TTC28: variants seen among roughly 807,000 people sequenced by gnomAD.
TTC28 encodes tetratricopeptide repeat protein 28.
TTC28 carries 61 observed loss-of-function variants against 198.0 expected under a neutral mutation model. The observed-to-expected ratio is 0.31, with a 90% CI of 0.25 to 0.38. The LOEUF (loss-of-function observed/expected upper bound fraction) is 0.38. TTC28 is among the 10% of genes least tolerant of loss of function. TTC28 has a pLI of 1.00. For synonymous variants in TTC28, 1,171 were observed against 1,297.8 expected, an observed-to-expected ratio of 0.90 and a Z score of 2.10; for missense variants, 2,678 against 3,164.0, an observed-to-expected ratio of 0.85 and a Z score of 3.69.
At chr22:28,251,742 T>G (rs993613788) in intron 5 of TTC28, among the ~76,000 whole-genome samples, 1 of 152,122 alleles carries the variant, frequency 6.6e-6, no homozygotes, top group African/African-American at 2.4e-5. Flanking sequence ...CATGAGAAAA[T>G]GTATGTTTTG....
At position 28,215,016 on chromosome 22, in the gene TTC28, G is replaced by A. The variant is rs563531266; in HGVS notation, c.934-51417C>T. Among the ~76,000 whole-genome samples the A allele has an allele frequency of 6.6e-5, 10 of 152,246 alleles. No homozygotes were observed. In the South Asian group the frequency reaches 2.1e-3, roughly 32 times the overall value. On this transcript the variant is annotated intron_variant, in intron 5 of 22. Coordinates refer to ENST00000397906, the MANE Select transcript of TTC28 (RefSeq NM_001145418.2). ...ATGAAGCTGGAAGCCGTCATTCTAA[G>A]CAAACTAAAGCAAGGACAGAAAACC... is the stretch of plus-strand genomic sequence containing the variant.
intron 17 of TTC28, 27 bp downstream of exon 17, chr22:27,996,108 T>TC: frequency 1.3e-6 from 2 of 1,538,862 alleles, no homozygotes; most frequent in Non-Finnish European, 1.7e-6. Context: ...CAGCTCTCGT[T>TC]GAGTGCAGGG....
chr22:28,275,148 AGG>A (rs1932340058), intron 5 of TTC28, among the ~76,000 whole-genome samples: 1 of 152,226 alleles, frequency 6.6e-6, no homozygotes, highest in African/African-American at 2.4e-5. Context: ...ACTTTAAAAC[AGG>A]ACAGACTATT....
At chr22:28,329,920 T>C (rs2045589257) in intron 2 of TTC28, among the ~76,000 whole-genome samples, 1 of 152,158 alleles carries the variant, frequency 6.6e-6, no homozygotes, top group Admixed American at 6.5e-5. Flanking sequence ...TCCTGACAAT[T>C]TGCACTTATT....
At chr22:28,555,568 T>A (rs752803951) in intron 2 of TTC28, among the ~76,000 whole-genome samples, 2 of 152,214 alleles carry the variant, frequency 1.3e-5, no homozygotes, top group Admixed American at 6.5e-5. Flanking sequence ...TTGGAGACTA[T>A]TATTCTAGGT....
At chr22:28,457,892 A>AT (rs2047887804) in intron 2 of TTC28, among the ~76,000 whole-genome samples, 1 of 152,190 alleles carries the variant, frequency 6.6e-6, no homozygotes, top group Non-Finnish European at 1.5e-5. Context: ...GGCAGAATAT[A>AT]TGTCCATTTA....
At chr22:28,443,287 G>C (rs538391777) in intron 2 of TTC28, among the ~76,000 whole-genome samples, 3 of 152,226 alleles carry the variant, frequency 2.0e-5, no homozygotes, top group Admixed American at 2.0e-4. Flanking sequence ...ATCCCAGCCG[G>C]GCTTCTACCA....
intron 2 of TTC28, among the ~76,000 whole-genome samples, chr22:28,322,564 C>A (rs146703385): frequency 6.6e-5 from 10 of 152,166 alleles, no homozygotes; most frequent in Admixed American, 3.9e-4. Flanking sequence ...AGAAGATGAG[C>A]CACCTCAAAA....
chr22:28,628,319 T>C lies in TTC28; in HGVS notation c.381+1233A>G, dbSNP rs76808319. ...ATAGAAAATATCTCAAATACTTCAA[T>C]CACATCTCTTTTTATTGTATGTATT... is the stretch of plus-strand genomic sequence containing the variant. On this transcript the variant is annotated intron_variant, in intron 2 of 22. Coordinates refer to ENST00000397906, the MANE Select transcript of TTC28 (RefSeq NM_001145418.2). Among the ~76,000 whole-genome samples, 7 of 152,324 alleles carry C rather than the reference T, an allele frequency of 4.6e-5. No homozygotes were observed. In the East Asian group the frequency reaches 1.3e-3, roughly 29 times the overall value.
At chr22:28,099,854 G>A (rs1419364575) in intron 9 of TTC28, among the ~76,000 whole-genome samples, 3 of 152,152 alleles carry the variant, frequency 2.0e-5, no homozygotes, top group Non-Finnish European at 4.4e-5. Context: ...GGAAGAGAGC[G>A]CCACACTCTC....
chr22:28,545,075 G>A (rs1429886864), intron 2 of TTC28, among the ~76,000 whole-genome samples: 2 of 152,072 alleles, frequency 1.3e-5, no homozygotes, highest in East Asian at 3.9e-4. Context: ...TCTTTCTTGT[G>A]CAAAATCGAA....
chr22:28,385,835 C>G (rs1447103796), intron 2 of TTC28, among the ~76,000 whole-genome samples: 2 of 152,182 alleles, frequency 1.3e-5, no homozygotes, highest in Non-Finnish European at 2.9e-5. Context: ...TCTTTACCCA[C>G]AACTCTACTC....
intron 2 of TTC28, among the ~76,000 whole-genome samples, chr22:28,349,179 A>G (rs950576232): frequency 6.6e-6 from 1 of 152,116 alleles, no homozygotes; most frequent in African/African-American, 2.4e-5. Flanking sequence ...ATGCATGTGC[A>G]CGCACACACA....
intron 2 of TTC28, among the ~76,000 whole-genome samples, chr22:28,531,259 C>T (rs1210074442): frequency 6.6e-6 from 1 of 152,104 alleles, no homozygotes; most frequent in Non-Finnish European, 1.5e-5. Context: ...AGTTGCAATC[C>T]TAGCCTCTGA....
At chr22:28,086,308 A>C (rs1380756049) in intron 12 of TTC28, among the ~76,000 whole-genome samples, 1 of 152,140 alleles carries the variant, frequency 6.6e-6, no homozygotes, top group Non-Finnish European at 1.5e-5. Flanking sequence ...ATTATAACAA[A>C]CTGTCTCTCA....
At chr22:28,240,246 G>A (rs1430286365) in intron 5 of TTC28, among the ~76,000 whole-genome samples, 1 of 152,148 alleles carries the variant, frequency 6.6e-6, no homozygotes, top group Non-Finnish European at 1.5e-5. Flanking sequence ...ACCATATTCT[G>A]TATATTAGAG....
At chr22:28,058,594 T>C (rs1940388092) in intron 12 of TTC28, among the ~76,000 whole-genome samples, 1 of 152,100 alleles carries the variant, frequency 6.6e-6, no homozygotes, top group Non-Finnish European at 1.5e-5. Flanking sequence ...TTATCTAATA[T>C]CATTGTTAGG....
chr22:28,669,359 G>A (rs924724828), intron 1 of TTC28, among the ~76,000 whole-genome samples: 7 of 151,494 alleles, frequency 4.6e-5, no homozygotes, highest in African/African-American at 1.7e-4. Context: ...TCTAATAAAG[G>A]TGACTGAATC....
chr22:28,411,615 G>A (rs1309540595), intron 2 of TTC28, among the ~76,000 whole-genome samples: 1 of 152,112 alleles, frequency 6.6e-6, no homozygotes, highest in Non-Finnish European at 1.5e-5. Context: ...ATGCCTGCAG[G>A]AAAGTACTGG....
Sources: gnomAD v4.1 joint callset for allele counts (sites outside exome capture counted in the v4.1 genomes callset) on GRCh38, gnomAD v4.1.1 for gene constraint, MANE v1.5 for transcripts, NCBI Gene and HGNC (gene_info 2026-07-23, HGNC 2026-07-21) for gene names.